The following RASAL2 variants were observed in gnomAD, a reference collection of about 807,000 sequenced individuals.
The protein encoded by RASAL2 is ras GTPase-activating protein nGAP.
Under a neutral mutation model 128.9 loss-of-function variants are expected in RASAL2, and 58 were observed. The observed-to-expected ratio is 0.45, with a 90% CI of 0.36 to 0.56. The LOEUF (loss-of-function observed/expected upper bound fraction) is 0.56, where lower values mean the gene tolerates loss of function less well. RASAL2 is among the 20% of genes least tolerant of loss of function. RASAL2 has a pLI of 0.00. For synonymous variants in RASAL2, 561 were observed against 580.8 expected (o/e 0.97, Z 0.49); for missense variants, 1,360 against 1,601.6 (o/e 0.85, Z 2.57).
chr1:178,234,026 T>G (rs546924434), intron 1 of RASAL2, among the ~76,000 whole-genome samples: 1 of 152,220 alleles, frequency 6.6e-6, no homozygotes, highest in African/African-American at 2.4e-5. Flanking sequence ...TTTAAAAAAG[T>G]GATCATCACT....
intron 4 of RASAL2, among the ~76,000 whole-genome samples, chr1:178,406,769 C>T (rs1314447875): frequency 2.0e-5 from 3 of 151,670 alleles, no homozygotes; most frequent in African/African-American, 7.3e-5. Flanking sequence ...CTTAACATGT[C>T]AATATGTGTT....
chr1:178,132,406 T>TA (rs1660154558), intron 1 of RASAL2, among the ~76,000 whole-genome samples: 1 of 152,096 alleles, frequency 6.6e-6, no homozygotes, highest in Admixed American at 6.5e-5. Context: ...CCATACCTGT[T>TA]ACCTGTTTTC....
At chr1:178,405,814 AT>A (rs1673967360) in intron 4 of RASAL2, among the ~76,000 whole-genome samples, 1 of 152,234 alleles carries the variant, frequency 6.6e-6, no homozygotes, top group Admixed American at 6.5e-5. Flanking sequence ...AAACTGGTGA[AT>A]TTAGAATTAG....
intron 3 of RASAL2, among the ~76,000 whole-genome samples, chr1:178,380,643 G>T (rs1672232593): frequency 1.3e-5 from 2 of 152,076 alleles, no homozygotes; most frequent in African/African-American, 4.8e-5. Context: ...AAATATATTT[G>T]CCATTATTTA....
Position 178,155,462 on chromosome 1 carries a change from CA to C in RASAL2, c.202+60785del, listed in dbSNP as rs766695092. ...GCTCACTCAGTACATTATAAACCAG[CA>C]AAAAAAAAAAAAAAAATTTTAGAAG... is the stretch of plus-strand genomic sequence containing the variant. On this transcript the variant is annotated intron_variant, in intron 1 of 17. Coordinates refer to ENST00000367649, the MANE Select transcript of RASAL2 (RefSeq NM_170692.4). Among the ~76,000 whole-genome samples the C allele has an allele frequency of 6.0e-3, 577 of 96,310 alleles. 1 individual carries two copies. Among genetic ancestry groups the C allele is most frequent in the South Asian group, 0.013 (41 of 3,120 alleles). 63.2% of individuals were successfully genotyped at this position (96,310 alleles called of 152,430 possible).
chr1:178,396,745 A>G (rs950870853), intron 4 of RASAL2, among the ~76,000 whole-genome samples: 2 of 151,780 alleles, frequency 1.3e-5, no homozygotes, highest in Admixed American at 1.3e-4. Context: ...ACTAATTTCA[A>G]TTTAAAGAAA....
At position 178,246,638 on chromosome 1, in the gene RASAL2, T is replaced by C. The variant is rs182681138; in HGVS notation, c.203-36926T>C. On this transcript the variant is annotated intron_variant, in intron 1 of 17. Coordinates refer to ENST00000367649, the MANE Select transcript of RASAL2 (RefSeq NM_170692.4). ...CGTGGTGAGAGAGGGCATCCTTGTC[T>C]TGTGCTTGTTTTCAAAGGGAATGCT... 5.1e-3 allele frequency among the ~76,000 whole-genome samples: 779 copies of C among 152,262 alleles called. 8 individuals are homozygous for C. Among genetic ancestry groups the C allele is most frequent in the African/African-American group, 0.018 (747 of 41,546 alleles).
At chr1:178,298,107 C>A (rs1294641804) in intron 2 of RASAL2, among the ~76,000 whole-genome samples, 4 of 151,994 alleles carry the variant, frequency 2.6e-5, no homozygotes, top group African/African-American at 9.7e-5. Flanking sequence ...TCATTCTTCC[C>A]ACTTTTAAGG....
intron 1 of RASAL2, among the ~76,000 whole-genome samples, chr1:178,282,279 C>T (rs1034484765): frequency 3.9e-5 from 6 of 152,040 alleles, no homozygotes; most frequent in African/African-American, 1.4e-4. Flanking sequence ...GTTTAGATAG[C>T]CTTAGAGAGG....
chr1:178,358,236 C>CCA (rs1670912493), intron 3 of RASAL2, among the ~76,000 whole-genome samples: 1 of 53,874 alleles, frequency 1.9e-5, no homozygotes, highest in Non-Finnish European at 3.0e-5. Flanking sequence ...ACTCTGTCTC[C>CCA]TAAAAAAAAA....
rs548043346 is a variant in RASAL2 at position 178,228,971 on chromosome 1, G to A, written c.203-54593G>A. 7.2e-5 allele frequency among the ~76,000 whole-genome samples: 11 copies of A among 152,202 alleles called. No individual in the cohort carries two copies. In the South Asian group the frequency reaches 1.7e-3, roughly 23 times the overall value. On this transcript the variant is annotated intron_variant, in intron 1 of 17. Coordinates refer to ENST00000367649, the MANE Select transcript of RASAL2 (RefSeq NM_170692.4). Reference sequence around the variant, plus strand: ...GTAAAATTTAAAAATATTTACTTGCGTATTGTTTTATTTTAATGTGATTTC... The same window carrying A: ...GTAAAATTTAAAAATATTTACTTGCATATTGTTTTATTTTAATGTGATTTC...
At chr1:178,456,326 G>T (rs1572107745) in intron 12 of RASAL2, 4 of 247,280 alleles carry the variant, frequency 1.6e-5, no homozygotes, top group Non-Finnish European at 3.2e-5. Flanking sequence ...AGTTCTTTTG[G>T]TTAGAAGGAA....
chr1:178,160,644 A>C (rs970570976), intron 1 of RASAL2, among the ~76,000 whole-genome samples: 2 of 152,210 alleles, frequency 1.3e-5, no homozygotes, highest in Non-Finnish European at 2.9e-5. Context: ...TCAAAAAAAT[A>C]ATAATAATGA....
chr1:178,364,021 G>C (rs986778217), intron 3 of RASAL2, among the ~76,000 whole-genome samples: 14 of 151,858 alleles, frequency 9.2e-5, no homozygotes, highest in Non-Finnish European at 2.1e-4. Context: ...GTGTGAACCT[G>C]GGAGGTGGAG....
intron 3 of RASAL2, among the ~76,000 whole-genome samples, chr1:178,308,178 G>A (rs1381483881): frequency 1.3e-5 from 2 of 151,870 alleles, no homozygotes; most frequent in Non-Finnish European, 2.9e-5. Flanking sequence ...ATAAACATTT[G>A]GTAAATACAT....
chr1:178,153,198 G>C (rs983934729), intron 1 of RASAL2, among the ~76,000 whole-genome samples: 2 of 150,254 alleles, frequency 1.3e-5, no homozygotes, highest in Non-Finnish European at 3.0e-5. Flanking sequence ...TATCCTTGTG[G>C]TATCATTAAT....
intron 1 of RASAL2, among the ~76,000 whole-genome samples, chr1:178,182,932 G>A (rs1662164407): frequency 6.6e-6 from 1 of 152,132 alleles, no homozygotes; most frequent in Non-Finnish European, 1.5e-5. Flanking sequence ...TTCTTGTAAG[G>A]AGTGTGCAGC....
intron 9 of RASAL2, among the ~76,000 whole-genome samples, chr1:178,448,858 G>T (rs944474398): frequency 5.3e-5 from 8 of 152,074 alleles, no homozygotes; most frequent in Non-Finnish European, 1.2e-4. Flanking sequence ...ATGGCCGATG[G>T]GCTCAATGAG....
At chr1:178,361,900 C>T (rs1440525597) in intron 3 of RASAL2, among the ~76,000 whole-genome samples, 1 of 152,038 alleles carries the variant, frequency 6.6e-6, no homozygotes, top group Non-Finnish European at 1.5e-5. Context: ...GACAGATCAT[C>T]AGGCATTAGA....
Sources: allele counts gnomAD v4.1 joint callset (sites outside exome capture counted in the v4.1 genomes callset), GRCh38; gene constraint gnomAD v4.1.1; transcripts MANE v1.5; gene names NCBI Gene and HGNC (gene_info 2026-07-23, HGNC 2026-07-21).